The following TRDN variants were observed in gnomAD, a reference collection of about 807,000 sequenced individuals.
TRDN encodes triadin.
Under a neutral mutation model 149.7 loss-of-function variants are expected in TRDN, and 161 were observed. The observed-to-expected ratio is 1.08, with a 90% CI of 0.95 to 1.23. The LOEUF is 1.23. TRDN is among the 50% of genes most tolerant of loss of function. The pLI, the probability that TRDN is intolerant of heterozygous loss-of-function variation, is 0.00. For synonymous variants in TRDN, 294 were observed against 250.5 expected, an observed-to-expected ratio of 1.17 and a Z score of -1.64; for missense variants, 896 against 823.5, an observed-to-expected ratio of 1.09 and a Z score of -1.08.
At chr6:123,390,616 G>T (rs1171668473) in intron 13 of TRDN, among the ~76,000 whole-genome samples, 1 of 151,984 alleles carries the variant, frequency 6.6e-6, no homozygotes, top group Non-Finnish European at 1.5e-5. Context: ...TGGATTCCAG[G>T]CCCACAAGCT....
intron 12 of TRDN, among the ~76,000 whole-genome samples, chr6:123,396,642 T>C (rs1354003267): frequency 6.6e-6 from 1 of 152,144 alleles, no homozygotes; most frequent in Non-Finnish European, 1.5e-5. Flanking sequence ...CCCTGAAACA[T>C]GCGGTATTTA....
At chr6:123,489,194 T>C (rs1778101611) in intron 9 of TRDN, among the ~76,000 whole-genome samples, 1 of 152,142 alleles carries the variant, frequency 6.6e-6, no homozygotes, top group Admixed American at 6.6e-5. Flanking sequence ...ACTATTTTTT[T>C]TGCAATAAAT....
chr6:123,371,639 T>A (rs371924972), intron 19 of TRDN, among the ~76,000 whole-genome samples: 16 of 152,312 alleles, frequency 1.1e-4, no homozygotes, highest in East Asian at 9.6e-4. Flanking sequence ...ACCTAGATTT[T>A]ACTTCTGTCA....
intron 9 of TRDN, among the ~76,000 whole-genome samples, chr6:123,477,776 G>T (rs977863193): frequency 6.6e-6 from 1 of 151,958 alleles, no homozygotes; most frequent in Non-Finnish European, 1.5e-5. Context: ...GGATGAAATT[G>T]GAAATCATCA....
chr6:123,380,110 G>A (rs1023722407), intron 16 of TRDN, among the ~76,000 whole-genome samples: 1 of 152,154 alleles, frequency 6.6e-6, no homozygotes, highest in South Asian at 2.1e-4. Context: ...GAACTGATAG[G>A]TGTTTTGAAG....
intron 1 of TRDN, among the ~76,000 whole-genome samples, chr6:123,573,688 C>T (rs779618105): frequency 6.6e-6 from 1 of 151,900 alleles, no homozygotes; most frequent in Non-Finnish European, 1.5e-5. Flanking sequence ...ATAATTTATC[C>T]GTACAAGTAG....
rs201341229 is a variant in TRDN, at chr6:123,286,211, G to A, written c.1511-7129C>T. Among the ~76,000 whole-genome samples the A allele has an allele frequency of 1.6e-4, 24 of 152,152 alleles. No individual in the cohort carries two copies. In the East Asian group the frequency reaches 4.6e-3, roughly 29 times the overall value. On this transcript the variant is annotated intron_variant, in intron 24 of 40. Transcript: ENST00000334268. ...GGAAAAGAAATTATTATACTACAAG[G>A]ATACTTGCACAGACATGGTTATAGC...
intron 7 of TRDN, among the ~76,000 whole-genome samples, chr6:123,504,468 G>A (rs1029216317): frequency 6.6e-6 from 1 of 152,106 alleles, no homozygotes; most frequent in African/African-American, 2.4e-5. Flanking sequence ...AAATCCATTA[G>A]AAGATAACTG....
rs74678840 is a variant in TRDN, at chr6:123,466,765, C to T, written c.854-1782G>A. Reference sequence around the variant, plus strand: ...AGAAGGAGTCAGTTAAATGACCAAACTTTTAAAATATGAGTGTCCATAAAT... The same window carrying T: ...AGAAGGAGTCAGTTAAATGACCAAATTTTTAAAATATGAGTGTCCATAAAT... On this transcript the variant is annotated intron_variant, in intron 9 of 40. Coordinates refer to ENST00000334268, the MANE Select transcript of TRDN (RefSeq NM_006073.4). Among the ~76,000 whole-genome samples the T allele has an allele frequency of 6.2e-3, 947 of 152,006 alleles. 8 individuals carry two copies. The highest frequency in any genetic ancestry group is 0.021 in the African/African-American group (889 of 41,462).
At chr6:123,521,949 A>G (rs1453853456) in intron 5 of TRDN, among the ~76,000 whole-genome samples, 1 of 152,166 alleles carries the variant, frequency 6.6e-6, no homozygotes, top group Non-Finnish European at 1.5e-5. Context: ...TGGAATTTGT[A>G]GTGCCCAGTA....
chr6:123,332,049 GC>G (rs1562265487), intron 22 of TRDN, 120 bp from the exon 23 acceptor site: 3 of 684,556 alleles, frequency 4.4e-6, no homozygotes. Context: ...ACTTTATAAT[GC>G]ACTTTAAAAA....
In TRDN at chr6:123,508,403, A is replaced by G. The variant is rs567187340; in HGVS notation, c.610+3900T>C. Among the ~76,000 whole-genome samples, 4 of 152,312 alleles carry G rather than the reference A, an allele frequency of 2.6e-5. No individual in the cohort carries two copies. In the South Asian group the frequency reaches 6.2e-4, roughly 24 times the overall value. On this transcript the variant is annotated intron_variant, in intron 7 of 40. Transcript: ENST00000334268. ...CATATAAGGGCAGATATAAATATAC[A>G]TGAACCATGTGAAAGCGATAAAATG...
chr6:123,415,293 C>T (rs922368456), intron 12 of TRDN, among the ~76,000 whole-genome samples: 56 of 152,182 alleles, frequency 3.7e-4, no homozygotes, highest in African/African-American at 1.3e-3. Context: ...CAAACACATA[C>T]AAATTATAAA....
chr6:123,585,394 G>T (rs980140905), intron 1 of TRDN, among the ~76,000 whole-genome samples: 1 of 152,084 alleles, frequency 6.6e-6, no homozygotes, highest in African/African-American at 2.4e-5. Context: ...AACAGTTATG[G>T]AGGCAAGGGA....
intron 4 of TRDN, among the ~76,000 whole-genome samples, chr6:123,531,330 G>A (rs1011917653): frequency 6.6e-6 from 1 of 151,966 alleles, no homozygotes; most frequent in African/African-American, 2.4e-5. Context: ...AAATGCTAAT[G>A]AGGTTTACTT....
intron 24 of TRDN, among the ~76,000 whole-genome samples, chr6:123,301,895 G>T (rs2114672059): frequency 6.7e-6 from 1 of 148,362 alleles, no homozygotes; most frequent in Non-Finnish European, 1.5e-5. Context: ...CGGTCTGCGT[G>T]TATATTTATG....
intron 39 of TRDN, 44 bp downstream of exon 39, chr6:123,224,049 C>T: frequency 6.4e-7 from 1 of 1,572,504 alleles, no homozygotes; most frequent in African/African-American, 1.4e-5. Flanking sequence ...AACCTTATAG[C>T]TTTGAGAGAA....
At chr6:123,432,022 A>T (rs7754540) in intron 12 of TRDN, among the ~76,000 whole-genome samples, 22,133 of 152,146 alleles carry the variant, frequency 0.15, 2,213 homozygotes, top group African/African-American at 0.29. Context: ...TAATTGAAAA[A>T]ATTTGATGGA....
chr6:123,441,264 T>G (rs1420724125), intron 10 of TRDN, among the ~76,000 whole-genome samples: 1 of 152,104 alleles, frequency 6.6e-6, no homozygotes, highest in Non-Finnish European at 1.5e-5. Flanking sequence ...GCCCCTGACT[T>G]TTTCTTCCTC....
Sources: allele counts gnomAD v4.1 joint callset (sites outside exome capture counted in the v4.1 genomes callset), GRCh38; gene constraint gnomAD v4.1.1; transcripts MANE v1.5; gene names NCBI Gene and HGNC (gene_info 2026-07-23, HGNC 2026-07-21).